The following LPCAT1 variants were observed in gnomAD, a reference collection of about 807,000 sequenced individuals.
The protein encoded by LPCAT1 is lysophosphatidylcholine acyltransferase 1.
A neutral mutation model predicts 60.9 loss-of-function variants in LPCAT1; 23 were observed. That is an observed-to-expected ratio of 0.38 (90% CI 0.27 to 0.53). The LOEUF (loss-of-function observed/expected upper bound fraction) is 0.53, where lower values mean the gene tolerates loss of function less well. Ranked by LOEUF, LPCAT1 falls within the 20% of genes least tolerant of loss-of-function variation. The probability of loss-of-function intolerance (pLI) is 0.82; values close to 1 mark genes in which losing one functional copy is unlikely to be tolerated. For missense variants in LPCAT1, 622 were observed against 723.6 expected (o/e 0.86, Z 1.61); for synonymous variants, 340 against 301.1 (o/e 1.13, Z -1.34).
rs771913207 is a variant in LPCAT1 at position 1,501,476 on chromosome 5, G to A, written c.263C>T (p.Pro88Leu). ...GSAEKEPEQPPALWRKVVDFL... is the reference protein window; with the variant it reads ...GSAEKEPEQPLALWRKVVDFL... ...CGCAACTTACTTCCTCCACAGGGCCGGGGGCTGCTCGGGTTCCTTCTCCGC... is the reference window on the plus strand; with the variant it reads ...CGCAACTTACTTCCTCCACAGGGCCAGGGGCTGCTCGGGTTCCTTCTCCGC... The change falls in exon 2 of 14, where the codon CCG (proline) becomes CTG (leucine). Residue 88 changes from proline to leucine, a missense_variant. Around this residue, in one of 3 missense-constraint regions of LPCAT1, gnomAD observed 209 missense variants for 325.5 expected, o/e 0.64. Coordinates refer to ENST00000283415, the MANE Select transcript of LPCAT1 (RefSeq NM_024830.5). 1.7e-5 allele frequency: 28 copies of A among 1,612,588 alleles called. No individual in the cohort carries two copies. Among genetic ancestry groups the A allele is most frequent in the South Asian group, 4.4e-5 (4 of 90,942 alleles).
chr5:1,491,260 C>A (rs899024507), intron 3 of LPCAT1, among the ~76,000 whole-genome samples: 1 of 152,046 alleles, frequency 6.6e-6, no homozygotes, highest in African/African-American at 2.4e-5. Flanking sequence ...GGATGGCGCA[C>A]GCGTCAAAGA....
intron 12 of LPCAT1, among the ~76,000 whole-genome samples, chr5:1,469,268 C>T (rs1410817207): frequency 2.0e-5 from 3 of 152,156 alleles, no homozygotes; most frequent in African/African-American, 7.2e-5. Context: ...ACATACCCCA[C>T]CCCAAGCAGG....
chr5:1,474,781 G>A, intron 9 of LPCAT1, 96 bp from the exon 10 acceptor site: 1 of 1,469,582 alleles, frequency 6.8e-7, no homozygotes, highest in Non-Finnish European at 9.1e-7. Context: ...GGGAGAGGAG[G>A]GCTGAGGAGA....
In LPCAT1 at chr5:1,523,325, G is replaced by A. The variant is rs1012162493; in HGVS notation, c.135+385C>T. ...CGGACCAGGGACGAGCGCGGGGACC[G>A]GCGATGCGGGTCCAGCCTCCCGCGG... On this transcript the variant is annotated intron_variant, in intron 1 of 13. Coordinates refer to ENST00000283415, the MANE Select transcript of LPCAT1 (RefSeq NM_024830.5). This position sits in a 1 kb window ranked among gnomAD's most constrained non-coding sequence, Gnocchi z 7.1. 6.6e-6 allele frequency among the ~76,000 whole-genome samples: 1 copy of A among 151,914 alleles called. No homozygotes were observed. The highest frequency in any genetic ancestry group is 1.5e-5 in the Non-Finnish European group (1 of 67,938).
At chr5:1,497,908 G>A (rs904294913) in intron 2 of LPCAT1, among the ~76,000 whole-genome samples, 4 of 152,232 alleles carry the variant, frequency 2.6e-5, no homozygotes, top group African/African-American at 9.6e-5. Flanking sequence ...CCCAGCTCAG[G>A]ACTTGGCCCG....
chr5:1,465,697 C>T (rs1734358556), intron 13 of LPCAT1, among the ~76,000 whole-genome samples: 1 of 152,036 alleles, frequency 6.6e-6, no homozygotes. Flanking sequence ...TGCACATGCA[C>T]GCACACACAC....
Position 1,498,482 on chromosome 5 carries a change from GCACACATT to G in LPCAT1, c.278+2971_278+2978del, listed in dbSNP as rs1240229849. On this transcript the variant is annotated intron_variant, in intron 2 of 13. Transcript: ENST00000283415. The stretch of plus-strand genomic sequence containing the variant: ...AGCATCCGTGCATACTCCCACACAT[GCACACATT>G]CACACACATACACAGACATCGCTCT... 2.4e-4 allele frequency among the ~76,000 whole-genome samples: 37 copies of G among 152,134 alleles called. 1 individual carries two copies. Among genetic ancestry groups the G allele is most frequent in the Admixed American group, 2.3e-3 (35 of 15,266 alleles).
intron 13 of LPCAT1, among the ~76,000 whole-genome samples, chr5:1,466,235 G>C (rs1167226842): frequency 2.0e-5 from 3 of 152,320 alleles, no homozygotes; most frequent in Non-Finnish European, 4.4e-5. Flanking sequence ...TCGTGCTCTG[G>C]AATCAGCCGT....
chr5:1,494,068 A>T (rs1243857039), intron 3 of LPCAT1, among the ~76,000 whole-genome samples: 1 of 152,242 alleles, frequency 6.6e-6, no homozygotes, highest in Non-Finnish European at 1.5e-5. Context: ...TGGTCCCCAG[A>T]TGACGAGAGG....
chr5:1,523,815 G>A lies in LPCAT1; in HGVS notation c.30C>T (p.Ala10=), dbSNP rs766572685. 183 of 1,091,842 alleles carry A rather than the reference G, an allele frequency of 1.7e-4. 2 individuals are homozygous for A. The South Asian group carries it at 4.5e-3, about 27-fold the overall frequency. 67.6% of individuals were successfully genotyped at this position (1,091,842 alleles called of 1,614,324 possible). Reference sequence around the variant, plus strand: ...TGGCCCCTGCGCTGGAGGCAGGGGCGGCCCGGGGTCCGCATCCCCGCAGCC... The same window carrying A: ...TGGCCCCTGCGCTGGAGGCAGGGGCAGCCCGGGGTCCGCATCCCCGCAGCC... MRLRGCGPR[A]APASSAGASD... The change falls in exon 1 of 14, where the codon GCC becomes GCT. Residue 10 remains alanine, a synonymous_variant. Transcript: ENST00000283415. This position sits in a 1 kb window ranked among gnomAD's most constrained non-coding sequence, Gnocchi z 7.1.
intron 13 of LPCAT1, among the ~76,000 whole-genome samples, chr5:1,465,893 G>A (rs1351068550): frequency 1.3e-5 from 2 of 151,170 alleles, no homozygotes; most frequent in East Asian, 2.0e-4. Flanking sequence ...AGGCGCACAC[G>A]CACACACACG....
chr5:1,514,203 G>A (rs565975759), intron 1 of LPCAT1, among the ~76,000 whole-genome samples: 54 of 152,350 alleles, frequency 3.5e-4, no homozygotes, highest in African/African-American at 1.2e-3. Flanking sequence ...GAGGGGAGGA[G>A]AAGCACAGGA....
chr5:1,484,200 G>A (rs1179914048), intron 5 of LPCAT1, among the ~76,000 whole-genome samples: 3 of 152,220 alleles, frequency 2.0e-5, no homozygotes, highest in East Asian at 1.9e-4. Context: ...GAGCCCCAGC[G>A]AGGCCCAGCT....
intron 12 of LPCAT1, 148 bp downstream of exon 12, chr5:1,470,678 C>T: frequency 6.8e-6 from 4 of 587,556 alleles, no homozygotes; most frequent in Middle Eastern, 5.4e-4. Context: ...TTACAAACAA[C>T]AGCTAGCATA....
At chr5:1,498,436 C>A (rs551610369) in intron 2 of LPCAT1, among the ~76,000 whole-genome samples, 1 of 152,168 alleles carries the variant, frequency 6.6e-6, no homozygotes, top group Admixed American at 6.5e-5. Flanking sequence ...CCAGGCAGCA[C>A]GGGCAGCTTG....
chr5:1,517,850 A>T (rs1579818719), intron 1 of LPCAT1, among the ~76,000 whole-genome samples: 1 of 152,178 alleles, frequency 6.6e-6, no homozygotes, highest in Admixed American at 6.5e-5. Context: ...AGGAGCCCCC[A>T]CCCCTGGCAG....
chr5:1,494,290 A>G (rs1735695875), intron 3 of LPCAT1, among the ~76,000 whole-genome samples: 1 of 152,258 alleles, frequency 6.6e-6, no homozygotes, highest in Admixed American at 6.5e-5. Flanking sequence ...TAGTGAGGGC[A>G]CTCAGGTAGC....
rs954886882 is a variant in LPCAT1 at position 1,466,735 on chromosome 5, T to A, written c.1420+14A>T. The A allele has an allele frequency of 6.2e-7, 1 of 1,603,604 alleles. No individual in the cohort carries two copies. Reference sequence around the variant, plus strand: ...CCAAGGGTCGCGAGGACGACCCCACTCCTGCGGGCTCACCGAATGTGATCT... The same window carrying A: ...CCAAGGGTCGCGAGGACGACCCCACACCTGCGGGCTCACCGAATGTGATCT... On this transcript the variant is annotated intron_variant, in intron 13 of 13. Transcript: ENST00000283415.
rs1197134159 is a variant in LPCAT1, at chr5:1,522,277, G to A, written c.135+1433C>T. On this transcript the variant is annotated intron_variant, in intron 1 of 13. Transcript: ENST00000283415. This position sits in a 1 kb window ranked among gnomAD's most constrained non-coding sequence, Gnocchi z 6.8. Reference sequence around the variant, plus strand: ...AGCCTGGTGGCTGGGTGGGGGTGAGGATTGAAGAGGAGGAATGGTTGAGGG... The same window carrying A: ...AGCCTGGTGGCTGGGTGGGGGTGAGAATTGAAGAGGAGGAATGGTTGAGGG... Among the ~76,000 whole-genome samples, 1 of 152,214 alleles carries A rather than the reference G, an allele frequency of 6.6e-6. No homozygotes were observed. Among genetic ancestry groups the A allele is most frequent in the Non-Finnish European group, 1.5e-5 (1 of 68,030 alleles).
Sources: allele counts gnomAD v4.1 joint callset (sites outside exome capture counted in the v4.1 genomes callset), GRCh38; gene constraint gnomAD v4.1.1; regional missense constraint gnomAD v4.1.1; non-coding constraint Gnocchi (gnomAD v3.1); transcripts MANE v1.5; gene names NCBI Gene and HGNC (gene_info 2026-07-23, HGNC 2026-07-21).